The following POU6F2 variants were observed in gnomAD, a reference collection of about 807,000 sequenced individuals.
POU6F2 encodes the protein POU domain, class 6, transcription factor 2.
Under a neutral mutation model 71.3 loss-of-function variants are expected in POU6F2, and 31 were observed. The ratio of observed to expected loss-of-function variants is 0.43; its 90% CI spans 0.33 to 0.59. POU6F2 has a LOEUF of 0.59. Among genes scored for constraint, POU6F2 ranks in the 20% least tolerant of loss-of-function variants. The pLI, the probability that POU6F2 is intolerant of heterozygous loss-of-function variation, is 0.04. For synonymous variants in POU6F2, 347 were observed against 355.7 expected, an observed-to-expected ratio of 0.98 and a Z score of 0.27; for missense variants, 783 against 856.8, an observed-to-expected ratio of 0.91 and a Z score of 1.07.
intron 4 of POU6F2, among the ~76,000 whole-genome samples, chr7:39,229,750 A>G (rs1794539222): frequency 6.6e-6 from 1 of 152,266 alleles, no homozygotes; most frequent in African/African-American, 2.4e-5. Context: ...ATCTCTTAAC[A>G]GCAATAAGTC....
intron 7 of POU6F2, among the ~76,000 whole-genome samples, chr7:39,446,621 T>G (rs1203510426): frequency 2.6e-5 from 4 of 152,226 alleles, no homozygotes. Context: ...TTGGTGAATA[T>G]ATTAAACACC....
At chr7:39,262,879 C>T (rs977726817) in intron 4 of POU6F2, among the ~76,000 whole-genome samples, 1 of 152,162 alleles carries the variant, frequency 6.6e-6, no homozygotes, top group Non-Finnish European at 1.5e-5. Context: ...AGTTCCCTTT[C>T]CCTTCTTTTC....
intron 4 of POU6F2, among the ~76,000 whole-genome samples, chr7:39,220,533 G>A (rs1356041246): frequency 6.6e-6 from 1 of 152,160 alleles, no homozygotes; most frequent in Non-Finnish European, 1.5e-5. Flanking sequence ...AATAAGATCT[G>A]AGATGTTTAG....
chr7:39,167,975 A>G (rs868574991), intron 2 of POU6F2, among the ~76,000 whole-genome samples: 6 of 152,066 alleles, frequency 3.9e-5, no homozygotes, highest in Middle Eastern at 6.8e-3. Context: ...TATTTTTTTG[A>G]TACTTTCTCA....
intron 4 of POU6F2, among the ~76,000 whole-genome samples, chr7:39,304,339 G>C (rs944265896): frequency 3.9e-5 from 6 of 152,130 alleles, no homozygotes; most frequent in Non-Finnish European, 7.3e-5. Context: ...TTGAGAATTC[G>C]AATCGACATA....
intron 7 of POU6F2, among the ~76,000 whole-genome samples, chr7:39,443,412 C>G (rs1788455045): frequency 6.6e-6 from 1 of 152,212 alleles, no homozygotes; most frequent in Admixed American, 6.5e-5. Flanking sequence ...ATCTCAAATA[C>G]CCAAGTCATG....
chr7:39,222,107 A>G (rs1305385557), intron 4 of POU6F2, among the ~76,000 whole-genome samples: 1 of 152,222 alleles, frequency 6.6e-6, no homozygotes, highest in African/African-American at 2.4e-5. Flanking sequence ...AAAAAGAACC[A>G]TAGGCAATGC....
intron 2 of POU6F2, 56 bp downstream of exon 2, chr7:39,086,087 CCAA>C: frequency 1.4e-6 from 2 of 1,444,020 alleles, no homozygotes; most frequent in African/African-American, 2.9e-5. Flanking sequence ...GAAGAGCAAT[CCAA>C]CCCCCCCAAC....
chr7:39,268,422 TAA>T (rs2128756145), intron 4 of POU6F2, among the ~76,000 whole-genome samples: 2 of 152,252 alleles, frequency 1.3e-5, no homozygotes, highest in South Asian at 4.1e-4. Context: ...TGGCAGTACA[TAA>T]AGTACTGAGG....
intron 2 of POU6F2, among the ~76,000 whole-genome samples, chr7:39,161,767 G>A (rs1793004322): frequency 6.6e-6 from 1 of 152,150 alleles, no homozygotes; most frequent in Admixed American, 6.6e-5. Flanking sequence ...ACAGAATAAT[G>A]AAGAATAAGG....
chr7:39,049,132 A>C (rs1330333493), intron 1 of POU6F2, among the ~76,000 whole-genome samples: 2 of 151,280 alleles, frequency 1.3e-5, no homozygotes, highest in African/African-American at 4.9e-5. Flanking sequence ...AATTTTGTTG[A>C]TCTTTTTAAA....
intron 5 of POU6F2, among the ~76,000 whole-genome samples, chr7:39,360,335 T>C (rs1786352214): frequency 6.6e-6 from 1 of 152,214 alleles, no homozygotes; most frequent in Non-Finnish European, 1.5e-5. Context: ...CCAATGAATA[T>C]ACTGAATGTA....
At chr7:39,087,066 CA>C (rs141947774) in intron 2 of POU6F2, among the ~76,000 whole-genome samples, 41,649 of 121,622 alleles carry the variant, frequency 0.34, 6,526 homozygotes, top group East Asian at 0.67. Context: ...ACCTGAACTT[CA>C]AAAAAAAAAA....
At chr7:39,177,702 CA>C (rs1374462993) in intron 2 of POU6F2, among the ~76,000 whole-genome samples, 2 of 152,120 alleles carry the variant, frequency 1.3e-5, no homozygotes, top group Non-Finnish European at 1.5e-5. Flanking sequence ...CTGATGCCAC[CA>C]AATATGAAAT....
chr7:39,461,511 G>C (rs1441626448), intron 9 of POU6F2, among the ~76,000 whole-genome samples: 2 of 152,098 alleles, frequency 1.3e-5, no homozygotes, highest in Non-Finnish European at 2.9e-5. Context: ...TCCTCCAACA[G>C]GAAAAGCCAA....
intron 1 of POU6F2, among the ~76,000 whole-genome samples, chr7:39,064,474 CAAAA>C (rs1226639857): frequency 6.6e-6 from 1 of 150,414 alleles, no homozygotes; most frequent in Non-Finnish European, 1.5e-5. Context: ...ACAAATGAAA[CAAAA>C]AAACAAATGA....
At chr7:39,414,964 T>G (rs1787641574) in intron 6 of POU6F2, among the ~76,000 whole-genome samples, 1 of 152,122 alleles carries the variant, frequency 6.6e-6, no homozygotes, top group African/African-American at 2.4e-5. Context: ...AGAACTGGGA[T>G]GCTGTCACTT....
intron 5 of POU6F2, chr7:39,373,654 G>T: frequency 5.2e-6 from 2 of 387,454 alleles, no homozygotes; most frequent in South Asian, 2.0e-5. Flanking sequence ...GCTGGGAACT[G>T]GTCTCCTTAT....
chr7:39,191,825 T>C (rs529215384), intron 2 of POU6F2, among the ~76,000 whole-genome samples: 1 of 152,324 alleles, frequency 6.6e-6, no homozygotes, highest in South Asian at 2.1e-4. Context: ...TTTTCAATTA[T>C]AGTAATGTGA....
Sources: allele counts gnomAD v4.1 joint callset (sites outside exome capture counted in the v4.1 genomes callset), GRCh38; gene constraint gnomAD v4.1.1; transcripts MANE v1.5; gene names NCBI Gene and HGNC (gene_info 2026-07-23, HGNC 2026-07-21).